The following SRGAP3 variants were observed in gnomAD, a reference collection of about 807,000 sequenced individuals.
SRGAP3 encodes SLIT-ROBO Rho GTPase-activating protein 3.
Under a neutral mutation model 121.1 loss-of-function variants are expected in SRGAP3, and 39 were observed. The ratio of observed to expected loss-of-function variants is 0.32; its 90% CI spans 0.25 to 0.42. SRGAP3 has a LOEUF of 0.42. Among genes scored for constraint, SRGAP3 ranks in the 10% least tolerant of loss-of-function variants. The pLI, the probability that SRGAP3 is intolerant of heterozygous loss-of-function variation, is 1.00. For missense variants in SRGAP3, 1,213 were observed against 1,470.6 expected (o/e 0.82, Z 2.86); for synonymous variants, 601 against 570.0 (o/e 1.05, Z -0.77).
chr3:9,088,998 G>A (rs1007466567), intron 3 of SRGAP3, among the ~76,000 whole-genome samples: 7 of 152,078 alleles, frequency 4.6e-5, no homozygotes, highest in Admixed American at 2.0e-4. Context: ...TCTCAGGAAA[G>A]GGGTGGCCTC....
chr3:9,053,808 T>G (rs1266301161), intron 8 of SRGAP3, among the ~76,000 whole-genome samples: 2 of 152,218 alleles, frequency 1.3e-5, no homozygotes, highest in African/African-American at 4.8e-5. Context: ...TTCTGGAATT[T>G]CGTGGGACCA....
intron 3 of SRGAP3, among the ~76,000 whole-genome samples, chr3:9,311,713 C>T (rs917798780): frequency 1.3e-5 from 2 of 152,100 alleles, no homozygotes; most frequent in African/African-American, 4.8e-5. Context: ...TGTATGAAAA[C>T]AGGCCACAGG....
chr3:9,109,039 G>A lies in SRGAP3; in HGVS notation c.261-4197C>T, dbSNP rs999796553. The stretch of plus-strand genomic sequence containing the variant: ...GAACTGCAAGGGGAGCAGTAGGTTT[G>A]GACAGAAAATGCATTGCTTATCTCA... On this transcript the variant is annotated intron_variant, in intron 2 of 21. Transcript: ENST00000383836. This position sits in a 1 kb window ranked among gnomAD's most constrained non-coding sequence, Gnocchi z 4.4. Among the ~76,000 whole-genome samples the A allele has an allele frequency of 1.3e-5, 2 of 152,146 alleles. No individual in the cohort carries two copies. Among genetic ancestry groups the A allele is most frequent in the Admixed American group, 6.5e-5 (1 of 15,286 alleles).
intron 2 of SRGAP3, among the ~76,000 whole-genome samples, chr3:9,111,347 T>G (rs1388844807): frequency 5.3e-5 from 8 of 151,532 alleles, no homozygotes; most frequent in Non-Finnish European, 1.0e-4. Flanking sequence ...AAAGGAAGAG[T>G]TGGAGGGCGC....
chr3:9,244,484 T>C (rs976862076), intron 1 of SRGAP3, among the ~76,000 whole-genome samples: 3 of 150,914 alleles, frequency 2.0e-5, no homozygotes, highest in African/African-American at 4.9e-5. Flanking sequence ...TCTATTTCAA[T>C]TTTCTATCAG....
chr3:9,004,793 A>G (rs773516634), intron 18 of SRGAP3, among the ~76,000 whole-genome samples: 1 of 152,262 alleles, frequency 6.6e-6, no homozygotes, highest in Non-Finnish European at 1.5e-5. Context: ...ATCTAAATGT[A>G]AGACCTAAAA....
chr3:9,325,259 G>A (rs1242283793), intron 3 of SRGAP3, among the ~76,000 whole-genome samples: 2 of 151,932 alleles, frequency 1.3e-5, no homozygotes, highest in East Asian at 1.9e-4. Flanking sequence ...CAAGAGTTTG[G>A]AGTATGCTCC....
chr3:9,150,166 G>A (rs1280761982), intron 1 of SRGAP3, among the ~76,000 whole-genome samples: 1 of 152,044 alleles, frequency 6.6e-6, no homozygotes, highest in Non-Finnish European at 1.5e-5. Context: ...GAGATCAAGA[G>A]GGGGTCCCGA....
At chr3:9,179,466 G>C (rs539316116) in intron 1 of SRGAP3, among the ~76,000 whole-genome samples, 137 of 152,330 alleles carry the variant, frequency 9.0e-4, no homozygotes, top group African/African-American at 3.1e-3. Flanking sequence ...CACTTAGTAA[G>C]CACCTGGCAA....
chr3:9,171,537 G>T (rs1164665514), intron 1 of SRGAP3, among the ~76,000 whole-genome samples: 1 of 152,174 alleles, frequency 6.6e-6, no homozygotes, highest in South Asian at 2.1e-4. Context: ...ATTATCCCTC[G>T]CATGGTTCTA....
In SRGAP3 at chr3:9,204,065, A is replaced by C. The variant is rs754673517; in HGVS notation, c.67+44820T>G. The stretch of plus-strand genomic sequence containing the variant: ...GGAAGCACTTGTCTCCACCACCACC[A>C]CCCCTAGCCCTGTGGCTTCCATTAT... On this transcript the variant is annotated intron_variant, in intron 1 of 21. Transcript: ENST00000383836. Among the ~76,000 whole-genome samples, 297 of 151,972 alleles carry C rather than the reference A, an allele frequency of 2.0e-3. 1 individual carries two copies. The highest frequency in any genetic ancestry group is 3.7e-3 in the Non-Finnish European group (253 of 67,976).
chr3:9,296,493 G>A (rs1434868721), intron 3 of SRGAP3, among the ~76,000 whole-genome samples: 1 of 152,212 alleles, frequency 6.6e-6, no homozygotes, highest in Non-Finnish European at 1.5e-5. Context: ...CAGAGTAAGG[G>A]AAGCCTAATG....
rs1165317814 is a variant in SRGAP3 at position 8,985,515 on chromosome 3, C to T, written c.*4G>A. On this transcript the variant is annotated 3_prime_UTR_variant, in exon 22 of 22. Transcript: ENST00000383836. The surrounding 1 kb of genome is among the most constrained non-coding windows in gnomAD (Gnocchi z 5.1). ...GGCCACGGCGGCGCGGCCCATCCTG[C>T]AGGTCACATGGTGCCCGACTTGTCC... The T allele has an allele frequency of 1.9e-6, 3 of 1,598,670 alleles. No individual in the cohort carries two copies. Among genetic ancestry groups the T allele is most frequent in the Non-Finnish European group, 2.5e-6 (3 of 1,179,412 alleles).
upstream of SRGAP3, among the ~76,000 whole-genome samples, chr3:9,250,885 A>G (rs1336009464): frequency 1.3e-5 from 2 of 152,252 alleles, no homozygotes; most frequent in Non-Finnish European, 2.9e-5. Context: ...AACTGAGTCA[A>G]GCACTAAAGA....
chr3:8,992,148 T>C (rs1037009054), intron 20 of SRGAP3, among the ~76,000 whole-genome samples: 1 of 152,226 alleles, frequency 6.6e-6, no homozygotes, highest in African/African-American at 2.4e-5. Flanking sequence ...ACTGATTTTT[T>C]TGGGGTCTAT....
At chr3:9,321,844 CAG>C (rs2125282534) in intron 3 of SRGAP3, among the ~76,000 whole-genome samples, 1 of 151,482 alleles carries the variant, frequency 6.6e-6, no homozygotes, top group African/African-American at 2.4e-5. Context: ...GGGAGAGGAT[CAG>C]AAAAAATTTT....
At chr3:9,215,843 C>T (rs1398785149) in intron 1 of SRGAP3, among the ~76,000 whole-genome samples, 4 of 152,214 alleles carry the variant, frequency 2.6e-5, no homozygotes, top group Non-Finnish European at 5.9e-5. Flanking sequence ...CTGAAAGCTG[C>T]ACCATTGGCT....
At chr3:9,172,536 C>T (rs1951022508) in intron 1 of SRGAP3, among the ~76,000 whole-genome samples, 1 of 152,188 alleles carries the variant, frequency 6.6e-6, no homozygotes, top group Non-Finnish European at 1.5e-5. Context: ...CAATACCTTC[C>T]CCCAAACCTC....
At chr3:9,171,874 G>A (rs955612959) in intron 1 of SRGAP3, among the ~76,000 whole-genome samples, 1 of 152,042 alleles carries the variant, frequency 6.6e-6, no homozygotes, top group African/African-American at 2.4e-5. Context: ...GTGCTTGTCG[G>A]TGGGGTTGGT....
Sources: gnomAD v4.1 joint callset for allele counts (sites outside exome capture counted in the v4.1 genomes callset) on GRCh38, gnomAD v4.1.1 for gene constraint, Gnocchi (gnomAD v3.1) non-coding constraint, MANE v1.5 for transcripts, NCBI Gene and HGNC (gene_info 2026-07-23, HGNC 2026-07-21) for gene names.